Variants in ACCSL observed in about 807,000 individuals in gnomAD.
ACCSL encodes the protein probable inactive 1-aminocyclopropane-1-carboxylate synthase-like protein 2.
Under a neutral mutation model 61.7 loss-of-function variants are expected in ACCSL, and 55 were observed. The observed-to-expected ratio is 0.89, with a 90% CI of 0.72 to 1.12. ACCSL has a LOEUF of 1.12. Among genes scored for constraint, ACCSL ranks in the 50% most tolerant of loss-of-function variants. The probability of loss-of-function intolerance (pLI) is 0.00; values close to 1 mark genes in which losing one functional copy is unlikely to be tolerated. For synonymous variants in ACCSL, 258 were observed against 264.3 expected, an observed-to-expected ratio of 0.98 and a Z score of 0.23; for missense variants, 632 against 698.0, an observed-to-expected ratio of 0.91 and a Z score of 1.07.
chr11:43,962,239 T>C, the ACCSL span, among the ~76,000 whole-genome samples: 10 of 152,322 alleles, frequency 6.6e-5, no homozygotes, highest in Admixed American at 2.0e-4. Flanking sequence ...ACAGATATCA[T>C]AGGCTGGAAA....
At chr11:44,032,480 G>A in the ACCSL span, among the ~76,000 whole-genome samples, 5 of 152,334 alleles carry the variant, frequency 3.3e-5, no homozygotes, top group East Asian at 1.9e-4. Context: ...TGCAGGGTGC[G>A]GGGAGGAGGA....
the ACCSL span, chr11:43,943,060 C>T: frequency 1.3e-6 from 2 of 1,502,812 alleles, no homozygotes; most frequent in Admixed American, 2.3e-5. The surrounding 1 kb of genome is among the most constrained non-coding windows in gnomAD (Gnocchi z 4.8). Flanking sequence ...GCCAGTCTCG[C>T]TTCAAGACGC....
At chr11:43,967,238 C>T in the ACCSL span, among the ~76,000 whole-genome samples, 12 of 122,256 alleles carry the variant, frequency 9.8e-5, no homozygotes, top group Middle Eastern at 7.6e-3. Context: ...AGTGCAATGG[C>T]GCAATCTTGG....
intron 7 of ACCSL, 80 bp from the exon 8 acceptor site, chr11:44,053,326 A>G (rs1419728121): frequency 2.1e-6 from 3 of 1,437,888 alleles, no homozygotes; most frequent in African/African-American, 2.8e-5. Flanking sequence ...TGGGTGCCTA[A>G]CCTATAAAAG....
chr11:44,047,851 T>A, upstream of ACCSL: 2 of 710,208 alleles, frequency 2.8e-6, no homozygotes, highest in South Asian at 4.0e-5. Flanking sequence ...AGTAGGTAAC[T>A]CTTCATGAAC....
the ACCSL span, among the ~76,000 whole-genome samples, chr11:44,031,937 T>C: frequency 6.6e-6 from 1 of 152,276 alleles, no homozygotes; most frequent in Non-Finnish European, 1.5e-5. Flanking sequence ...ATTCACTTAC[T>C]CAGGGGCAAT....
the ACCSL span, among the ~76,000 whole-genome samples, chr11:43,932,005 G>A: frequency 6.6e-6 from 1 of 152,202 alleles, no homozygotes; most frequent in Non-Finnish European, 1.5e-5. Flanking sequence ...TAGGGAGAAC[G>A]GGCTCTGGGA....
chr11:43,970,641 C>T, the ACCSL span, among the ~76,000 whole-genome samples: 2 of 152,160 alleles, frequency 1.3e-5, no homozygotes, highest in Admixed American at 1.3e-4. Context: ...AAAAACCCAA[C>T]CATTTCTCTG....
chr11:43,942,943 C>T, the ACCSL span: 2 of 1,466,162 alleles, frequency 1.4e-6, no homozygotes, highest in Non-Finnish European at 1.8e-6. Context: ...GCATCTGCTC[C>T]AGTTACCAGG....
chr11:44,012,468 G>A, the ACCSL span, among the ~76,000 whole-genome samples: 40 of 152,054 alleles, frequency 2.6e-4, no homozygotes, highest in African/African-American at 7.2e-4. Flanking sequence ...TGTATTTTTC[G>A]TAGAAACGGG....
At chr11:43,997,847 T>C in the ACCSL span, among the ~76,000 whole-genome samples, 24 of 152,216 alleles carry the variant, frequency 1.6e-4, no homozygotes, top group African/African-American at 5.8e-4. Context: ...TCTGCGGTCC[T>C]CCTGGCCTTC....
the ACCSL span, among the ~76,000 whole-genome samples, chr11:43,968,015 C>T: frequency 6.6e-6 from 1 of 152,164 alleles, no homozygotes; most frequent in East Asian, 1.9e-4. Context: ...CAGTGGTTCT[C>T]AACCAGGGGC....
the ACCSL span, among the ~76,000 whole-genome samples, chr11:43,981,486 A>C: frequency 6.6e-6 from 1 of 152,270 alleles, no homozygotes; most frequent in East Asian, 1.9e-4. Context: ...ATCTTTTAAA[A>C]AAAGGGTGGG....
the ACCSL span, chr11:43,943,509 AT>A: frequency 1.5e-6 from 2 of 1,355,754 alleles, no homozygotes. The surrounding 1 kb of genome is among the most constrained non-coding windows in gnomAD (Gnocchi z 4.8). Flanking sequence ...GTAAATGTTT[AT>A]TTTTTAACTC....
At chr11:43,955,246 C>T in the ACCSL span, among the ~76,000 whole-genome samples, 4 of 152,170 alleles carry the variant, frequency 2.6e-5, no homozygotes, top group Admixed American at 6.5e-5. Context: ...TTGCAACCAG[C>T]GTGGTCATGG....
the ACCSL span, among the ~76,000 whole-genome samples, chr11:43,925,953 C>T: frequency 3.3e-5 from 5 of 152,304 alleles, no homozygotes; most frequent in Admixed American, 1.3e-4. Context: ...TAACCCCAAC[C>T]TTAATCCTTA....
chr11:43,998,427 G>A, the ACCSL span, among the ~76,000 whole-genome samples: 15 of 152,172 alleles, frequency 9.9e-5, no homozygotes, highest in South Asian at 3.1e-3. Flanking sequence ...CAGAGCCTTT[G>A]TGACTGGTTC....
chr11:43,994,097 T>C, the ACCSL span, among the ~76,000 whole-genome samples: 1 of 152,252 alleles, frequency 6.6e-6, no homozygotes, highest in Non-Finnish European at 1.5e-5. Flanking sequence ...ACCACTGTTG[T>C]ATGGAGATTT....
the ACCSL span, among the ~76,000 whole-genome samples, chr11:44,011,478 G>A: frequency 6.6e-6 from 1 of 152,140 alleles, no homozygotes; most frequent in African/African-American, 2.4e-5. Context: ...AACATATTTT[G>A]GCCAATGCTT....
Sources: allele counts gnomAD v4.1 joint callset (sites outside exome capture counted in the v4.1 genomes callset), GRCh38; gene constraint gnomAD v4.1.1; non-coding constraint Gnocchi (gnomAD v3.1); transcripts MANE v1.5; gene names NCBI Gene and HGNC (gene_info 2026-07-23, HGNC 2026-07-21).